VIRMA: variants seen among roughly 807,000 people sequenced by gnomAD.
VIRMA encodes the protein protein virilizer homolog.
Under a neutral mutation model 182.4 loss-of-function variants are expected in VIRMA, and 65 were observed. That is an observed-to-expected ratio of 0.36 (90% CI 0.29 to 0.44). VIRMA has a LOEUF of 0.44. Ranked by LOEUF, VIRMA falls within the 20% of genes least tolerant of loss-of-function variation. The pLI is 1.00. For synonymous variants in VIRMA, 709 were observed against 743.1 expected (o/e 0.95, Z 0.75); for missense variants, 1,752 against 2,158.1 (o/e 0.81, Z 3.73).
chr8:94,495,643 T>A (rs993627013), intron 19 of VIRMA, 88 bp downstream of exon 19: 1 of 1,057,208 alleles, frequency 9.5e-7, no homozygotes, highest in African/African-American at 1.6e-5. Flanking sequence ...TCTGGCCCTT[T>A]ATAGAAAAAA....
At chr8:94,512,658 T>A (rs1455584051) in intron 11 of VIRMA, among the ~76,000 whole-genome samples, 1 of 152,120 alleles carries the variant, frequency 6.6e-6, no homozygotes, top group African/African-American at 2.4e-5. Flanking sequence ...GTGCCTATAG[T>A]CCCAGCTACT....
At chr8:94,542,985 C>G (rs184471521) in intron 2 of VIRMA, among the ~76,000 whole-genome samples, 224 of 152,130 alleles carry the variant, frequency 1.5e-3, no homozygotes, top group Non-Finnish European at 1.3e-3. Context: ...CTCAGCTCAC[C>G]ACAACCTCCG....
At chr8:94,488,994 A>G in intron 23 of VIRMA, 134 bp from the exon 24 acceptor site, 2 of 842,360 alleles carry the variant, frequency 2.4e-6, no homozygotes, top group Non-Finnish European at 1.8e-6. Flanking sequence ...AGCACGGTGA[A>G]TGGGCCAAAG....
chr8:94,544,391 G>T (rs980679586), intron 1 of VIRMA, among the ~76,000 whole-genome samples: 1 of 152,054 alleles, frequency 6.6e-6, no homozygotes, highest in African/African-American at 2.4e-5. Flanking sequence ...TAAAGATTAT[G>T]GCCGGGCGCA....
intron 21 of VIRMA, among the ~76,000 whole-genome samples, chr8:94,492,167 A>G (rs28564036): frequency 0.04 from 6,070 of 152,292 alleles, 130 homozygotes; most frequent in Middle Eastern, 0.051. Flanking sequence ...AGAAAACAAT[A>G]TAACAAATGT....
chr8:94,541,938 G>C (rs1191776287), intron 2 of VIRMA, among the ~76,000 whole-genome samples: 1 of 152,140 alleles, frequency 6.6e-6, no homozygotes, highest in Non-Finnish European at 1.5e-5. Flanking sequence ...TTTATGTTTA[G>C]AGTTATTACA....
At chr8:94,536,331 G>C (rs1815341725) in intron 4 of VIRMA, among the ~76,000 whole-genome samples, 1 of 152,132 alleles carries the variant, frequency 6.6e-6, no homozygotes, top group Admixed American at 6.5e-5. Context: ...AAACCAAACA[G>C]CAAGCTGAGT....
At chr8:94,504,803 AATG>A (rs1263809618) in intron 16 of VIRMA, among the ~76,000 whole-genome samples, 2 of 152,176 alleles carry the variant, frequency 1.3e-5, no homozygotes, top group East Asian at 3.8e-4. Context: ...GTCAAGTAGA[AATG>A]TCAAGTAGAT....
At chr8:94,520,411 C>T (rs951444755) in intron 8 of VIRMA, among the ~76,000 whole-genome samples, 1 of 151,962 alleles carries the variant, frequency 6.6e-6, no homozygotes, top group Non-Finnish European at 1.5e-5. Context: ...GGGAGGATCG[C>T]TTAAGCCCAG....
chr8:94,511,707 C>A lies in VIRMA; in HGVS notation c.2868G>T (p.Trp956Cys). 6.2e-7 allele frequency: 1 copy of A among 1,613,514 alleles called. No individual in the cohort carries two copies. Among genetic ancestry groups the A allele is most frequent in the South Asian group, 1.1e-5 (1 of 91,044 alleles). ...PVEGQQKDLKWNLAVIQLFSA... is the reference protein window; with the variant it reads ...PVEGQQKDLKCNLAVIQLFSA... ...AAAAAAGCTGAATAACGGCAAGATTCCATTTCAGATCTTTCTGTTGACCTT... is the reference window on the plus strand; with the variant it reads ...AAAAAAGCTGAATAACGGCAAGATTACATTTCAGATCTTTCTGTTGACCTT... Residue 956 changes from tryptophan to cysteine, a missense_variant, in exon 13 of 24, where the codon TGG becomes TGT. Trp to Cys is a radical substitution (Grantham distance 215, BLOSUM62 -2). This residue lies in a region of VIRMA where 777 missense variants were observed against 920.6 expected (regional missense o/e 0.84). Coordinates refer to ENST00000297591, the MANE Select transcript of VIRMA (RefSeq NM_015496.5).
chr8:94,506,694 G>A lies in VIRMA; in HGVS notation c.3903C>T (p.Ser1301=). 1 of 1,613,548 alleles carries A rather than the reference G, an allele frequency of 6.2e-7. No individual in the cohort carries two copies. The highest frequency in any genetic ancestry group is 8.5e-7 in the Non-Finnish European group (1 of 1,179,754). The change falls in exon 16 of 24, where the codon AGC becomes AGT. Residue 1301 remains serine, a synonymous_variant. Coordinates refer to ENST00000297591, the MANE Select transcript of VIRMA (RefSeq NM_015496.5). ...CDQDIALILP[S]SSEGSISELE... ...GTTCAGAAATAGAACCTTCAGAAGAGCTTGGTAAGATAAGTGCAATGTCCT... is the reference window on the plus strand; with the variant it reads ...GTTCAGAAATAGAACCTTCAGAAGAACTTGGTAAGATAAGTGCAATGTCCT...
intron 10 of VIRMA, among the ~76,000 whole-genome samples, chr8:94,516,552 C>T (rs1032877219): frequency 6.6e-6 from 1 of 152,154 alleles, no homozygotes; most frequent in Non-Finnish European, 1.5e-5. Flanking sequence ...CAGGTCTTTC[C>T]TTGGTTCTAC....
At chr8:94,494,002 G>T (rs186290181) in intron 20 of VIRMA, among the ~76,000 whole-genome samples, 2 of 152,264 alleles carry the variant, frequency 1.3e-5, no homozygotes, top group East Asian at 3.9e-4. Flanking sequence ...TTTCCAAACT[G>T]AGAGCCACAC....
chr8:94,515,598 C>T (rs182521846), intron 10 of VIRMA, among the ~76,000 whole-genome samples: 43 of 151,434 alleles, frequency 2.8e-4, no homozygotes, highest in African/African-American at 9.7e-4. Flanking sequence ...TCTCAAACTC[C>T]TGGGTTCAAG....
Position 94,496,373 on chromosome 8 carries a change from T to G in VIRMA, c.4338A>C (p.Glu1446Asp). Residue 1446 changes from glutamate (E) to aspartate (D), a missense_variant, in exon 18 of 24, where the codon GAA (glutamate) becomes GAC (aspartate). This residue lies in a region of VIRMA where 777 missense variants were observed against 920.6 expected (regional missense o/e 0.84). Coordinates refer to ENST00000297591, the MANE Select transcript of VIRMA (RefSeq NM_015496.5). ...AELKQLLQSK[E>D]ESPENLFLEL... ...CAAGGAACAAATTTTCTGGACTTTC[T>G]TCTTTGCTTTGTAGAAGCTGTTTTA... The G allele has an allele frequency of 6.2e-7, 1 of 1,613,332 alleles. No homozygotes were observed.
intron 10 of VIRMA, among the ~76,000 whole-genome samples, chr8:94,517,568 T>A (rs932398436): frequency 3.9e-5 from 6 of 152,212 alleles, no homozygotes; most frequent in Non-Finnish European, 7.3e-5. Flanking sequence ...TTTTCATGAC[T>A]TTCCAGAAAA....
rs1221227749 is a variant in VIRMA at position 94,491,797 on chromosome 8, G to A, written c.4921C>T (p.Gln1641Ter). Residue 1641 changes from glutamine to a stop codon, truncating the protein, a stop_gained, in exon 22 of 24, where the codon CAG becomes TAG. Transcript: ENST00000297591. LOFTEE classifies it high-confidence loss of function. ...GGTCTACTTGTGTTCTGTTTTCTCTGACGAAAAATATCATGAGGTCGTATA... is the reference window on the plus strand; with the variant it reads ...GGTCTACTTGTGTTCTGTTTTCTCTAACGAAAAATATCATGAGGTCGTATA... ...QGIRPHDIFR[Q>*]RKQNTSRPPS... The A allele has an allele frequency of 6.2e-7, 1 of 1,613,490 alleles. No homozygotes were observed. The highest frequency in any genetic ancestry group is 1.7e-5 in the Admixed American group (1 of 59,918).
intron 22 of VIRMA, 96 bp downstream of exon 22, chr8:94,491,482 C>T: frequency 8.5e-7 from 1 of 1,179,608 alleles, no homozygotes; most frequent in East Asian, 2.5e-5. Flanking sequence ...AACAGGAAAA[C>T]TGTTTATCTG....
At chr8:94,495,170 A>T (rs538062965) in intron 19 of VIRMA, among the ~76,000 whole-genome samples, 1 of 151,992 alleles carries the variant, frequency 6.6e-6, no homozygotes, top group Admixed American at 6.6e-5. Context: ...CCAGCTAATT[A>T]AAAAAAATTT....
Sources: allele counts gnomAD v4.1 joint callset (sites outside exome capture counted in the v4.1 genomes callset), GRCh38; gene constraint gnomAD v4.1.1; regional missense constraint gnomAD v4.1.1; transcripts MANE v1.5; gene names NCBI Gene and HGNC (gene_info 2026-07-23, HGNC 2026-07-21).